PCDHGA1: variants seen among roughly 807,000 people sequenced by gnomAD.
The protein encoded by PCDHGA1 is protocadherin gamma subfamily A, 1, also known as protocadherin gamma-A1.
In PCDHGA1, 32 loss-of-function variants were observed where a neutral mutation model predicts 58.0. The observed-to-expected ratio is 0.55, with a 90% confidence interval of 0.42 to 0.74. PCDHGA1 has a LOEUF of 0.74. PCDHGA1 is among the 30% of genes least tolerant of loss of function. PCDHGA1 has a pLI of 0.00. For synonymous variants in PCDHGA1, 498 were observed against 501.1 expected, an observed-to-expected ratio of 0.99 and a Z score of 0.08; for missense variants, 1,205 against 1,182.3, an observed-to-expected ratio of 1.02 and a Z score of -0.28.
intron 1 of PCDHGA1, chr5:141,419,661 A>G (rs1363084793): frequency 2.5e-6 from 4 of 1,612,714 alleles, no homozygotes; most frequent in East Asian, 2.2e-5. Flanking sequence ...TCGGGGCACA[A>G]TGCCTGGCTG....
At chr5:141,346,661 T>C (rs1209345450) in intron 1 of PCDHGA1, 3 of 736,598 alleles carry the variant, frequency 4.1e-6, no homozygotes, top group South Asian at 2.0e-5. Flanking sequence ...AGGGAAAAAA[T>C]AATACATCGT....
At chr5:141,503,598 C>CAAA (rs765754054) in intron 2 of PCDHGA1, among the ~76,000 whole-genome samples, 1 of 65,748 alleles carries the variant, frequency 1.5e-5, no homozygotes. Context: ...GACTCCAGCT[C>CAAA]AAAAAAAAAA....
chr5:141,366,183 C>A, intron 1 of PCDHGA1: 6 of 1,613,986 alleles, frequency 3.7e-6, no homozygotes, highest in Non-Finnish European at 5.1e-6. Context: ...GGACTCTTTG[C>A]GGTTGGGCTG....
chr5:141,443,166 C>T (rs914863821), intron 1 of PCDHGA1, among the ~76,000 whole-genome samples: 2 of 152,124 alleles, frequency 1.3e-5, no homozygotes, highest in African/African-American at 4.8e-5. Context: ...ATTTCCCTAC[C>T]CATGTCCACT....
chr5:141,421,443 GAC>G (rs771422215), intron 1 of PCDHGA1: 47 of 1,613,988 alleles, frequency 2.9e-5, no homozygotes, highest in Non-Finnish European at 3.6e-5. Context: ...CCAGAGGGAA[GAC>G]ACAGCTTTTC....
chr5:141,494,782 C>T, intron 1 of PCDHGA1, 25 bp from the exon 2 acceptor site: 1 of 1,614,110 alleles, frequency 6.2e-7, no homozygotes. Context: ...GGTACTCAGC[C>T]CCTTTCCCTC....
intron 1 of PCDHGA1, chr5:141,372,120 G>A (rs1169863583): frequency 3.1e-6 from 5 of 1,613,776 alleles, no homozygotes; most frequent in African/African-American, 1.3e-5. Flanking sequence ...TGCGCTCTTC[G>A]ATATGGTGCC....
chr5:141,330,993 C>T lies in PCDHGA1; in HGVS notation c.309C>T (p.Leu103=). The T allele has an allele frequency of 6.2e-7, 1 of 1,614,176 alleles. No homozygotes were observed. Among genetic ancestry groups the T allele is most frequent in the Non-Finnish European group, 8.5e-7 (1 of 1,180,046 alleles). The change falls in exon 1 of 4, where the codon CTC becomes CTT. Residue 103 remains leucine (L), a synonymous_variant. Transcript: ENST00000517417. ...EELCAQSMPC[L]VSFNILVEDK... is the part of the protein sequence containing the mutation. ...TCTGCGCTCAGAGCATGCCGTGTCT[C>T]GTGAGTTTTAATATCCTTGTTGAGG...
intron 1 of PCDHGA1, chr5:141,409,493 CCT>C (rs1312265786): frequency 6.2e-6 from 10 of 1,614,012 alleles, no homozygotes; most frequent in Non-Finnish European, 7.6e-6. Context: ...GGGCAAGCCG[CCT>C]CTTTCTTCCA....
intron 1 of PCDHGA1, among the ~76,000 whole-genome samples, chr5:141,444,503 T>C (rs2098438734): frequency 6.6e-6 from 1 of 152,088 alleles, no homozygotes; most frequent in Non-Finnish European, 1.5e-5. Flanking sequence ...AATACTTTGC[T>C]CTAGCAGTAT....
intron 1 of PCDHGA1, among the ~76,000 whole-genome samples, chr5:141,349,195 G>A (rs1343886266): frequency 6.6e-5 from 10 of 151,902 alleles, no homozygotes; most frequent in African/African-American, 1.9e-4. Flanking sequence ...TCAACCTCCC[G>A]AGTAGCTGGC....
rs74792071 is a variant in PCDHGA1 at position 141,437,248 on chromosome 5, T to C, written c.2422-57559T>C. 4.6e-3 allele frequency among the ~76,000 whole-genome samples: 704 copies of C among 152,360 alleles called. 4 individuals carry two copies. The highest frequency in any genetic ancestry group is 0.015 in the African/African-American group (641 of 41,594). On this transcript the variant is annotated intron_variant, in intron 1 of 3. Transcript: ENST00000517417. ...CATAAAATTATGTCAAGGACTTTCC[T>C]TGTCTTTTTATGTGTATGACAGATG... is the stretch of plus-strand genomic sequence containing the variant.
chr5:141,341,229 A>C (rs755198049), intron 1 of PCDHGA1: 1 of 1,614,218 alleles, frequency 6.2e-7, no homozygotes, highest in South Asian at 1.1e-5. Flanking sequence ...CTGCAGACCT[A>C]TTCCCACGAG....
At position 141,511,542 on chromosome 5, in the gene PCDHGA1, A is replaced by C; in HGVS notation, c.*369A>C. The stretch of plus-strand genomic sequence containing the variant: ...CCCATGCCTCCCTCCTCCCCACCCC[A>C]CTCCAACAGTTCCTCTTTCCCGAGT... On this transcript the variant is annotated 3_prime_UTR_variant, in exon 4 of 4. Coordinates refer to ENST00000517417, the MANE Select transcript of PCDHGA1 (RefSeq NM_018912.3). 6.6e-6 allele frequency: 2 copies of C among 302,184 alleles called. No homozygotes were observed. The highest frequency in any genetic ancestry group is 3.7e-5 in the South Asian group (1 of 26,678). The allele number at this position is 302,184 out of a possible 1,614,324, so 18.7% of individuals were successfully genotyped here. A position where few individuals can be genotyped will look rare whatever the true frequency, so the allele number is the denominator to read the frequency against.
chr5:141,353,677 G>A (rs1285635415), intron 1 of PCDHGA1, among the ~76,000 whole-genome samples: 1 of 152,112 alleles, frequency 6.6e-6, no homozygotes, highest in African/African-American at 2.4e-5. Flanking sequence ...GAACATTTGG[G>A]TTTATAAAGC....
At chr5:141,354,764 G>GA (rs1350368707) in intron 1 of PCDHGA1, among the ~76,000 whole-genome samples, 1 of 151,990 alleles carries the variant, frequency 6.6e-6, no homozygotes, top group African/African-American at 2.4e-5. Flanking sequence ...CACATCTTAG[G>GA]AAAAAAATCG....
chr5:141,408,439 G>A (rs1057408625), intron 1 of PCDHGA1: 4 of 1,613,950 alleles, frequency 2.5e-6, no homozygotes, highest in Non-Finnish European at 3.4e-6. Flanking sequence ...GCGTAGACGC[G>A]GAGAGCGGGG....
intron 1 of PCDHGA1, among the ~76,000 whole-genome samples, chr5:141,437,987 C>T (rs2097922147): frequency 1.3e-5 from 2 of 152,156 alleles, no homozygotes; most frequent in African/African-American, 2.4e-5. Flanking sequence ...GCACCCACCC[C>T]ACCTCAGCCT....
At chr5:141,360,020 G>A in intron 1 of PCDHGA1, 1 of 1,294,416 alleles carries the variant, frequency 7.7e-7, no homozygotes, top group South Asian at 1.6e-5. Context: ...CACAGAGAAG[G>A]CCAGTATAGA....
Sources: allele counts gnomAD v4.1 joint callset (sites outside exome capture counted in the v4.1 genomes callset), GRCh38; gene constraint gnomAD v4.1.1; transcripts MANE v1.5; gene names NCBI Gene and HGNC (gene_info 2026-07-23, HGNC 2026-07-21).